Variants in IGHMBP2 observed in about 807,000 individuals in gnomAD.
IGHMBP2 encodes DNA-binding protein SMUBP-2.
Under a neutral mutation model 96.0 loss-of-function variants are expected in IGHMBP2, and 81 were observed. The ratio of observed to expected loss-of-function variants is 0.84; its 90% confidence interval spans 0.71 to 1.01. The LOEUF is 1.01. Among genes scored for constraint, IGHMBP2 ranks in the 50% least tolerant of loss-of-function variants. The pLI is 0.00. For missense variants in IGHMBP2, 1,227 were observed against 1,306.3 expected (o/e 0.94, Z 0.94); for synonymous variants, 557 against 548.9 (o/e 1.01, Z -0.21).
intron 5 of IGHMBP2, among the ~76,000 whole-genome samples, chr11:68,913,701 T>C (rs1305088480): frequency 1.3e-5 from 2 of 152,082 alleles, no homozygotes; most frequent in East Asian, 3.9e-4. Flanking sequence ...GGAGGATCAC[T>C]TGAACCCAGG....
chr11:68,934,938 C>T (rs1246808716), intron 11 of IGHMBP2, among the ~76,000 whole-genome samples: 5 of 152,224 alleles, frequency 3.3e-5, no homozygotes, highest in African/African-American at 7.2e-5. Flanking sequence ...TGGCTCAGGT[C>T]GTGTTCCCAT....
At chr11:68,909,928 G>A (rs1282543565) in intron 4 of IGHMBP2, among the ~76,000 whole-genome samples, 4 of 152,188 alleles carry the variant, frequency 2.6e-5, no homozygotes, top group Admixed American at 6.5e-5. Context: ...CACCGTGCCC[G>A]GTCTGTGCAC....
At chr11:68,939,511 A>C in intron 14 of IGHMBP2, 23 bp from the exon 15 acceptor site, 1 of 1,610,932 alleles carries the variant, frequency 6.2e-7, no homozygotes, top group Non-Finnish European at 8.5e-7. Flanking sequence ...TGAGCCCAGC[A>C]GTGATTCTTG....
At chr11:68,931,425 C>T (rs1032350058) in intron 8 of IGHMBP2, among the ~76,000 whole-genome samples, 5 of 152,124 alleles carry the variant, frequency 3.3e-5, no homozygotes, top group East Asian at 1.9e-4. Flanking sequence ...ACAGATCTGG[C>T]GGCTGCAGCT....
intron 14 of IGHMBP2, among the ~76,000 whole-genome samples, 164 bp from the exon 15 acceptor site, chr11:68,939,370 C>G (rs1859663525): frequency 6.6e-6 from 1 of 152,186 alleles, no homozygotes; most frequent in Non-Finnish European, 1.5e-5. Flanking sequence ...GACCACCCCG[C>G]CGCTCTCCCG....
At chr11:68,933,666 A>G (rs1362234797) in intron 9 of IGHMBP2, 129 bp from the exon 10 acceptor site, 1 of 983,340 alleles carries the variant, frequency 1.0e-6, no homozygotes, top group Non-Finnish European at 1.6e-6. Context: ...CTCCCTTCTG[A>G]TGTCCTGATG....
At position 68,936,609 on chromosome 11, in the gene IGHMBP2, C is replaced by T. The variant is rs1594456094; in HGVS notation, c.2129C>T (p.Pro710Leu). The change falls in exon 13 of 15, where the codon CCC becomes CTC. Residue 710 changes from proline (P) to leucine (L), a missense_variant. Around this residue, in one of 3 missense-constraint regions of IGHMBP2, gnomAD observed 703 missense variants for 770.3 expected, o/e 0.91. Coordinates refer to ENST00000255078, the MANE Select transcript of IGHMBP2 (RefSeq NM_002180.3). The stretch of plus-strand genomic sequence containing the variant: ...CTGGCCTCTGAAGCTCCATCTCAGC[C>T]CAGCCTCAACGGAGGCAGCCCAGAG... ...KSLASEAPSQ[P>L]SLNGGSPEGV... 1 of 1,613,516 alleles carries T rather than the reference C, an allele frequency of 6.2e-7. No homozygotes were observed. The highest frequency in any genetic ancestry group is 8.5e-7 in the Non-Finnish European group (1 of 1,179,776).
intron 11 of IGHMBP2, 29 bp downstream of exon 11, chr11:68,934,587 A>G: frequency 1.3e-6 from 2 of 1,518,322 alleles, no homozygotes; most frequent in South Asian, 1.2e-5. Context: ...GTCCCTCTAC[A>G]GAGCAGCTGG....
Position 68,936,353 on chromosome 11 carries a change from A to G in IGHMBP2, c.1873A>G (p.Thr625Ala), listed in dbSNP as rs779184327. The G allele has an allele frequency of 6.2e-7, 1 of 1,613,926 alleles. No homozygotes were observed. The highest frequency in any genetic ancestry group is 1.7e-5 in the Admixed American group (1 of 60,006). Residue 625 changes from threonine (T) to alanine (A), a missense_variant, in exon 13 of 15, where the codon ACC becomes GCC. Physicochemically the swap from Thr to Ala is moderately conservative, Grantham distance 58. Coordinates refer to ENST00000255078, the MANE Select transcript of IGHMBP2 (RefSeq NM_002180.3). ...RTVNNHAFLK[T>A]LVEYFTQHGE... ...TGTCAACAACCATGCATTTTTGAAGACCCTGGTGGAGTATTTCACACAGCA... is the reference window on the plus strand; with the variant it reads ...TGTCAACAACCATGCATTTTTGAAGGCCCTGGTGGAGTATTTCACACAGCA...
At chr11:68,930,237 G>A in intron 8 of IGHMBP2, 2 of 1,266,572 alleles carry the variant, frequency 1.6e-6, no homozygotes, top group South Asian at 2.6e-5. Flanking sequence ...CTGCATCCTG[G>A]CCCTCACTTC....
chr11:68,920,746 A>G (rs1858845850), intron 7 of IGHMBP2, among the ~76,000 whole-genome samples: 1 of 151,934 alleles, frequency 6.6e-6, no homozygotes, highest in Non-Finnish European at 1.5e-5. Flanking sequence ...TGCCTCCCAC[A>G]GTGCTAGGAT....
chr11:68,925,212 C>T (rs558696983), intron 7 of IGHMBP2, among the ~76,000 whole-genome samples: 6 of 146,190 alleles, frequency 4.1e-5, no homozygotes, highest in Middle Eastern at 3.5e-3. Flanking sequence ...GTGGCACAAT[C>T]TTGATTCACT....
rs138997061 is a variant in IGHMBP2 at position 68,936,250 on chromosome 11, T to C, written c.1770T>C (p.Phe590=). The change falls in exon 13 of 15, where the codon TTT becomes TTC. Residue 590 remains phenylalanine (F), a synonymous_variant. Transcript: ENST00000255078. The stretch of plus-strand genomic sequence containing the variant: ...GGCCTTTTGTAGGTGAAGTTGGTTT[T>C]CTTGCTGAGGACCGGAGGATCAACG... The part of the protein sequence containing the change: ...VRSNRKGEVG[F]LAEDRRINVA... The C allele has an allele frequency of 6.6e-4, 1,064 of 1,614,170 alleles. 6 individuals are homozygous for C. In the African/African-American group the frequency reaches 0.013, roughly 20 times the overall value.
intron 7 of IGHMBP2, among the ~76,000 whole-genome samples, chr11:68,927,150 TG>T (rs1424001008): frequency 6.6e-6 from 1 of 152,188 alleles, no homozygotes; most frequent in Non-Finnish European, 1.5e-5. Context: ...TTGTTGAAAA[TG>T]GATGATTTTA....
At chr11:68,929,593 CAG>C (rs756324165) in intron 8 of IGHMBP2, 145 of 370,554 alleles carry the variant, frequency 3.9e-4, no homozygotes, top group Non-Finnish European at 4.7e-4. Context: ...GAACTGGACA[CAG>C]GGCCTGGCAC....
At position 68,936,740 on chromosome 11, in the gene IGHMBP2, G is replaced by A. The variant is rs200499838; in HGVS notation, c.2260G>A (p.Asp754Asn). Reference protein sequence around the residue: ...LEFPPSLNSHDRLRVHQIAEE... With the variant: ...LEFPPSLNSHNRLRVHQIAEE... ...GTTTCCTCCTTCCCTCAATTCCCACGACAGGCTGCGGGTCCACCAAATAGC... is the reference window on the plus strand; with the variant it reads ...GTTTCCTCCTTCCCTCAATTCCCACAACAGGCTGCGGGTCCACCAAATAGC... Residue 754 changes from aspartate to asparagine, a missense_variant, in exon 13 of 15, where the codon GAC becomes AAC. This residue lies in a region of IGHMBP2 where 703 missense variants were observed against 770.3 expected (regional missense o/e 0.91). Transcript: ENST00000255078. 107 of 1,614,024 alleles carry A rather than the reference G, an allele frequency of 6.6e-5. 1 individual carries two copies. Among genetic ancestry groups the A allele is most frequent in the Non-Finnish European group, 7.2e-5 (85 of 1,180,032 alleles).
intron 10 of IGHMBP2, 146 bp from the exon 11 acceptor site, chr11:68,934,318 G>T (rs1432836235): frequency 1.4e-6 from 1 of 706,844 alleles, no homozygotes; most frequent in East Asian, 2.7e-5. Context: ...GGGGCCCTGG[G>T]ACACAGATGA....
chr11:68,908,135 G>C lies in IGHMBP2; in HGVS notation c.257-10G>C, dbSNP rs1215129512. ...CAGTGTCTTGTGTCACTGAGTCTTT[G>C]TTTTTGCAGGTGATATCGTGGGCCT... On this transcript the variant is annotated splice_polypyrimidine_tract_variant and intron_variant, in intron 2 of 14. Transcript: ENST00000255078. The C allele has an allele frequency of 6.2e-6, 10 of 1,612,668 alleles. No homozygotes were observed. Among genetic ancestry groups the C allele is most frequent in the Non-Finnish European group, 8.5e-6 (10 of 1,179,154 alleles).
chr11:68,931,324 G>C (rs906331066), intron 8 of IGHMBP2, among the ~76,000 whole-genome samples: 2 of 152,110 alleles, frequency 1.3e-5, no homozygotes, highest in African/African-American at 2.4e-5. Flanking sequence ...GCACCCAAGA[G>C]CTCCCGACCC....
Sources: gnomAD v4.1 joint callset for allele counts (sites outside exome capture counted in the v4.1 genomes callset) on GRCh38, gnomAD v4.1.1 for gene constraint, gnomAD v4.1.1 regional missense constraint, MANE v1.5 for transcripts, NCBI Gene and HGNC (gene_info 2026-07-23, HGNC 2026-07-21) for gene names.